Variants in API5 observed in about 807,000 individuals in gnomAD.
The protein encoded by API5 is apoptosis inhibitor 5, also known as FIF.
Under a neutral mutation model 71.9 loss-of-function variants are expected in API5, and 6 were observed. That is an observed-to-expected ratio of 0.08 (90% CI 0.05 to 0.16). The LOEUF (loss-of-function observed/expected upper bound fraction) is 0.16, where lower values mean the gene tolerates loss of function less well. Among genes scored for constraint, API5 ranks in the 10% least tolerant of loss-of-function variants. The probability of loss-of-function intolerance (pLI) is 1.00; values close to 1 mark genes in which losing one functional copy is unlikely to be tolerated. For synonymous variants in API5, 189 were observed against 221.3 expected (o/e 0.85, Z 1.30); for missense variants, 332 against 612.8 (o/e 0.54, Z 4.84).
Position 43,320,927 on chromosome 11 carries a change from AT to A in API5, c.325+15del. On this transcript the variant is annotated intron_variant, in intron 3 of 13. Coordinates refer to ENST00000531273, the MANE Select transcript of API5 (RefSeq NM_001142930.2). ...CTTTTGCAGACAGGTAAGGGATTTT[AT>A]TATTACCTTTTTCTCTAAATATATA... The A allele has an allele frequency of 6.3e-7, 1 of 1,579,588 alleles. No individual in the cohort carries two copies. The highest frequency in any genetic ancestry group is 8.7e-7 in the Non-Finnish European group (1 of 1,152,454).
At chr11:43,321,240 G>T (rs1403959100) in intron 3 of API5, among the ~76,000 whole-genome samples, 171 bp from the exon 4 acceptor site, 1 of 152,140 alleles carries the variant, frequency 6.6e-6, no homozygotes, top group Non-Finnish European at 1.5e-5. Flanking sequence ...GCCAGATCGG[G>T]TTCTCAACTT....
intron 1 of API5, among the ~76,000 whole-genome samples, chr11:43,313,784 C>T (rs1410642178): frequency 1.3e-5 from 2 of 149,336 alleles, no homozygotes; most frequent in Non-Finnish European, 3.0e-5. Context: ...GAGGAATATT[C>T]TGTTCATTAA....
intron 1 of API5, among the ~76,000 whole-genome samples, chr11:43,314,588 C>T (rs762422024): frequency 1.8e-4 from 28 of 152,198 alleles, no homozygotes; most frequent in Non-Finnish European, 3.5e-4. Context: ...CTACCATGTA[C>T]CACACACCCG....
intron 13 of API5, among the ~76,000 whole-genome samples, chr11:43,336,820 A>G (rs1463284406): frequency 6.6e-6 from 1 of 151,744 alleles, no homozygotes; most frequent in African/African-American, 2.4e-5. Flanking sequence ...CATCCTGGCT[A>G]ACAGGGTGAA....
chr11:43,316,485 C>T (rs1346120489), intron 1 of API5, among the ~76,000 whole-genome samples: 3 of 151,730 alleles, frequency 2.0e-5, no homozygotes, highest in African/African-American at 7.3e-5. Flanking sequence ...TTGTGATACC[C>T]TGCAAAAAGT....
At chr11:43,330,781 T>A (rs1287166261) in intron 11 of API5, among the ~76,000 whole-genome samples, 2 of 152,230 alleles carry the variant, frequency 1.3e-5, no homozygotes, top group Non-Finnish European at 2.9e-5. Context: ...GTCCAGTAAA[T>A]CCCTGTTCTG....
chr11:43,328,269 T>C (rs1437497074), intron 8 of API5, among the ~76,000 whole-genome samples: 1 of 152,248 alleles, frequency 6.6e-6, no homozygotes, highest in Non-Finnish European at 1.5e-5. Context: ...ACTTCACTTG[T>C]AATGAGTCAG....
chr11:43,316,848 C>T (rs1854690205), intron 1 of API5, among the ~76,000 whole-genome samples: 1 of 152,140 alleles, frequency 6.6e-6, no homozygotes, highest in Non-Finnish European at 1.5e-5. Flanking sequence ...GAGACAGGGT[C>T]TTGATGTGTT....
rs770680039 is a variant in API5, at chr11:43,320,825, G to A, written c.236G>A (p.Arg79Gln). Residue 79 changes from arginine (R) to glutamine (Q), a missense_variant, in exon 3 of 14, where the codon CGA (arginine) becomes CAA (glutamine). Coordinates refer to ENST00000531273, the MANE Select transcript of API5 (RefSeq NM_001142930.2). ...DLCEDEDVSI[R>Q]RQAIKELPQF... is the part of the protein sequence containing the mutation. ...TTTGTTTGAAATCATGCCCAGATTCGACGTCAAGCAATTAAAGAACTGCCT... is the reference window on the plus strand; with the variant it reads ...TTTGTTTGAAATCATGCCCAGATTCAACGTCAAGCAATTAAAGAACTGCCT... 1 of 1,611,414 alleles carries A rather than the reference G, an allele frequency of 6.2e-7. No individual in the cohort carries two copies.
chr11:43,314,084 A>T (rs938365514), intron 1 of API5, among the ~76,000 whole-genome samples: 2 of 151,960 alleles, frequency 1.3e-5, no homozygotes, highest in Non-Finnish European at 1.5e-5. Context: ...GCAAGACTCC[A>T]TCTCAAACAA....
intron 6 of API5, 82 bp downstream of exon 6, chr11:43,323,718 T>TTAAACA (rs1854972523): frequency 2.3e-6 from 3 of 1,280,370 alleles, no homozygotes; most frequent in Non-Finnish European, 3.3e-6. Context: ...CCCTTAAACC[T>TTAAACA]TTCCAGTAGT....
intron 13 of API5, among the ~76,000 whole-genome samples, chr11:43,339,792 T>C (rs926580362): frequency 1.3e-5 from 2 of 152,220 alleles, no homozygotes; most frequent in African/African-American, 4.8e-5. Flanking sequence ...TGCATATTTA[T>C]TGCATTCAAA....
intron 1 of API5, among the ~76,000 whole-genome samples, chr11:43,317,049 A>G (rs1311475564): frequency 6.6e-6 from 1 of 152,198 alleles, no homozygotes; most frequent in Non-Finnish European, 1.5e-5. Flanking sequence ...GTAATTCTGT[A>G]GTTCATTGGA....
At chr11:43,319,976 A>C (rs1798593753) in intron 2 of API5, among the ~76,000 whole-genome samples, 1 of 151,888 alleles carries the variant, frequency 6.6e-6, no homozygotes, top group African/African-American at 2.4e-5. Flanking sequence ...TCAGCGAGAC[A>C]TTGTTAACAT....
rs571240580 is a variant in API5 at position 43,323,657 on chromosome 11, C to T, written c.750+21C>T. ...TCTCTGTGAGCTCTTTATTTTTACA[C>T]ACCCGGTATTAGCTATATATATATT... is the stretch of plus-strand genomic sequence containing the variant. On this transcript the variant is annotated intron_variant, in intron 6 of 13. Transcript: ENST00000531273. 191 of 1,601,220 alleles carry T rather than the reference C, an allele frequency of 1.2e-4. 1 individual carries two copies. In the South Asian group the frequency reaches 1.7e-3, roughly 14 times the overall value.
intron 9 of API5, 107 bp downstream of exon 9, chr11:43,329,000 C>T: frequency 8.9e-7 from 1 of 1,121,134 alleles, no homozygotes; most frequent in Non-Finnish European, 1.3e-6. Flanking sequence ...TGCCTTACCC[C>T]AGTGATACAG....
intron 3 of API5, 137 bp from the exon 4 acceptor site, chr11:43,321,274 T>C: frequency 1.4e-6 from 1 of 737,968 alleles, no homozygotes; most frequent in Non-Finnish European, 2.2e-6. Flanking sequence ...ATCTTTTTGG[T>C]ACTTGAGGGA....
chr11:43,330,325 T>C (rs1463648653), intron 10 of API5, 183 bp from the exon 11 acceptor site: 1 of 642,916 alleles, frequency 1.6e-6, no homozygotes, highest in Non-Finnish European at 2.7e-6. Flanking sequence ...CTTTGCTACA[T>C]CTAGATTTGT....
chr11:43,332,794 G>C (rs1467423505), intron 11 of API5, among the ~76,000 whole-genome samples: 2 of 152,080 alleles, frequency 1.3e-5, no homozygotes, highest in African/African-American at 4.8e-5. Context: ...ACCTTTATTG[G>C]TGTTAAATCA....
Sources: allele counts gnomAD v4.1 joint callset (sites outside exome capture counted in the v4.1 genomes callset), GRCh38; gene constraint gnomAD v4.1.1; transcripts MANE v1.5; gene names NCBI Gene and HGNC (gene_info 2026-07-23, HGNC 2026-07-21).